Variants in RTTN observed in about 807,000 individuals in gnomAD.
The protein encoded by RTTN is rotatin.
In RTTN, 182 loss-of-function variants were observed where a neutral mutation model predicts 269.2. That is an observed-to-expected ratio of 0.68 (90% CI 0.60 to 0.76). The LOEUF is 0.76. Among genes scored for constraint, RTTN ranks in the 30% least tolerant of loss-of-function variants. The pLI is 0.00. For missense variants in RTTN, 2,545 were observed against 2,608.6 expected (o/e 0.98, Z 0.53); for synonymous variants, 1,006 against 963.5 (o/e 1.04, Z -0.82).
At chr18:70,046,943 A>G (rs1599260892) in intron 40 of RTTN, among the ~76,000 whole-genome samples, 1 of 152,208 alleles carries the variant, frequency 6.6e-6, no homozygotes, top group Non-Finnish European at 1.5e-5. Context: ...TCTTACTGGC[A>G]ATCCTTTCTG....
intron 34 of RTTN, among the ~76,000 whole-genome samples, chr18:70,067,785 G>A (rs76645592): frequency 0.014 from 2,206 of 152,222 alleles, 57 homozygotes; most frequent in African/African-American, 0.051. Context: ...TTCAACGATC[G>A]GTGTGGGAAA....
At chr18:70,107,894 TAA>T (rs1447404999) in intron 28 of RTTN, among the ~76,000 whole-genome samples, 1 of 152,192 alleles carries the variant, frequency 6.6e-6, no homozygotes, top group Non-Finnish European at 1.5e-5. Flanking sequence ...AAAAATTAGA[TAA>T]AAAGTTTTTA....
Position 70,088,501 on chromosome 18 carries a change from C to A in RTTN, c.4144-354G>T, listed in dbSNP as rs138410444. Among the ~76,000 whole-genome samples the A allele has an allele frequency of 3.5e-4, 53 of 152,202 alleles. No homozygotes were observed. The East Asian group carries it at 9.3e-3, about 27-fold the overall frequency. ...AAAAAGGTAGCTATTCTTTGTTCTA[C>A]CTTTCTTAATTTTTTATTGTTTCTT... is the stretch of plus-strand genomic sequence containing the variant. On this transcript the variant is annotated intron_variant, in intron 30 of 48. Coordinates refer to ENST00000640769, the MANE Select transcript of RTTN (RefSeq NM_173630.4).
rs147234940 is a variant in RTTN, at chr18:70,029,349, T to C, written c.5746-548A>G. On this transcript the variant is annotated intron_variant, in intron 42 of 48. Coordinates refer to ENST00000640769, the MANE Select transcript of RTTN (RefSeq NM_173630.4). ...ATATATTTATACTATTCACACACTT[T>C]CATTTGTTGAATAAGTGGGTGGCAG... 4.0e-3 allele frequency among the ~76,000 whole-genome samples: 612 copies of C among 152,310 alleles called. 4 individuals are homozygous for C. Among genetic ancestry groups the C allele is most frequent in the Non-Finnish European group, 6.5e-3 (439 of 68,020 alleles).
chr18:70,019,128 G>C (rs1039360029), intron 45 of RTTN, among the ~76,000 whole-genome samples: 40 of 152,276 alleles, frequency 2.6e-4, no homozygotes, highest in African/African-American at 8.9e-4. Flanking sequence ...CCTGGAAAGA[G>C]AGTCTGATCA....
chr18:70,134,623 C>T, intron 22 of RTTN, 82 bp from the exon 23 acceptor site: 6 of 872,908 alleles, frequency 6.9e-6, no homozygotes, highest in Non-Finnish European at 1.1e-5. Context: ...TACCTCACTT[C>T]GTTGACTGCA....
chr18:70,198,945 G>C (rs1482788788), intron 5 of RTTN, among the ~76,000 whole-genome samples: 1 of 152,172 alleles, frequency 6.6e-6, no homozygotes, highest in African/African-American at 2.4e-5. Flanking sequence ...TCAGCACTTT[G>C]AGAGGCCAAG....
At chr18:70,016,170 C>A (rs1161124067) in intron 46 of RTTN, among the ~76,000 whole-genome samples, 1 of 151,502 alleles carries the variant, frequency 6.6e-6, no homozygotes, top group South Asian at 2.1e-4. Context: ...AGTTGATTAT[C>A]AGAATGCTTA....
intron 40 of RTTN, among the ~76,000 whole-genome samples, chr18:70,035,379 C>CAGAGCCT (rs1006557403): frequency 7.2e-5 from 11 of 152,264 alleles, no homozygotes; most frequent in African/African-American, 1.4e-4. Context: ...ACCGATGGAA[C>CAGAGCCT]AGAATACAGA....
In RTTN at chr18:70,020,814, C is replaced by T. The variant is rs763498886; in HGVS notation, c.5954G>A (p.Cys1985Tyr). The change falls in exon 45 of 49, where the codon TGC becomes TAC. Residue 1985 changes from cysteine (C) to tyrosine (Y), a missense_variant. Physicochemically the swap from Cys to Tyr is radical, Grantham distance 194. Coordinates refer to ENST00000640769, the MANE Select transcript of RTTN (RefSeq NM_173630.4). ...CVYTANFPNG[C>Y]SSLCWSSCGQ... ...ACAACTTGACCAACAAAGAGAACTGCAACCTTCAAAAATAACAGCCTATCA... is the reference window on the plus strand; with the variant it reads ...ACAACTTGACCAACAAAGAGAACTGTAACCTTCAAAAATAACAGCCTATCA... 6.2e-7 allele frequency: 1 copy of T among 1,608,802 alleles called. No individual in the cohort carries two copies. Among genetic ancestry groups the T allele is most frequent in the Non-Finnish European group, 8.5e-7 (1 of 1,177,386 alleles).
chr18:70,058,129 CA>C (rs1420988925), intron 36 of RTTN, among the ~76,000 whole-genome samples: 1 of 152,172 alleles, frequency 6.6e-6, no homozygotes, highest in Non-Finnish European at 1.5e-5. Flanking sequence ...CCATGAGTAA[CA>C]GGAAACTTGG....
chr18:70,049,260 G>T (rs908703262), intron 39 of RTTN, among the ~76,000 whole-genome samples: 1 of 152,152 alleles, frequency 6.6e-6, no homozygotes, highest in African/African-American at 2.4e-5. Flanking sequence ...AAAACAAGCT[G>T]CAGGCCAGAT....
chr18:70,046,464 A>G (rs1440244745), intron 40 of RTTN, among the ~76,000 whole-genome samples: 1 of 152,186 alleles, frequency 6.6e-6, no homozygotes. Flanking sequence ...TGGGAAATTT[A>G]TAATTAAATT....
At chr18:70,082,255 A>T (rs779759577) in intron 32 of RTTN, among the ~76,000 whole-genome samples, 1 of 152,158 alleles carries the variant, frequency 6.6e-6, no homozygotes, top group Non-Finnish European at 1.5e-5. Context: ...CTGAAATATT[A>T]TTAAAATTAT....
At chr18:70,121,369 G>A (rs1282414564) in intron 26 of RTTN, among the ~76,000 whole-genome samples, 187 bp downstream of exon 26, 2 of 152,124 alleles carry the variant, frequency 1.3e-5, no homozygotes, top group Non-Finnish European at 2.9e-5. Flanking sequence ...TCACTGTACA[G>A]AATTTTAATA....
intron 10 of RTTN, among the ~76,000 whole-genome samples, chr18:70,179,464 T>TA (rs982499093): frequency 5.3e-5 from 8 of 151,908 alleles, no homozygotes; most frequent in East Asian, 3.9e-4. Flanking sequence ...CTTCTAAGCA[T>TA]AAAAAAAATG....
At chr18:70,157,041 T>C (rs2060696750) in intron 14 of RTTN, among the ~76,000 whole-genome samples, 1 of 152,148 alleles carries the variant, frequency 6.6e-6, no homozygotes, top group Non-Finnish European at 1.5e-5. Context: ...TCTGCCTTCC[T>C]GTCAGAGCGC....
At chr18:70,100,297 T>A (rs966774132) in intron 28 of RTTN, among the ~76,000 whole-genome samples, 1 of 152,240 alleles carries the variant, frequency 6.6e-6, no homozygotes, top group African/African-American at 2.4e-5. Flanking sequence ...GTCCTTCACA[T>A]CCCTTGTAAG....
In RTTN at chr18:70,186,724, A is replaced by G. The variant is rs186783670; in HGVS notation, c.1305+1384T>C. On this transcript the variant is annotated intron_variant, in intron 10 of 48. Coordinates refer to ENST00000640769, the MANE Select transcript of RTTN (RefSeq NM_173630.4). ...ATGAGATCATATCCTTTGCGGCAAC[A>G]TGGATGGAGCTGGAGGCCATTATCC... Among the ~76,000 whole-genome samples the G allele has an allele frequency of 2.2e-3, 328 of 152,344 alleles. 2 individuals are homozygous for G. Among genetic ancestry groups the G allele is most frequent in the African/African-American group, 7.6e-3 (315 of 41,578 alleles).
Sources: allele counts gnomAD v4.1 joint callset (sites outside exome capture counted in the v4.1 genomes callset), GRCh38; gene constraint gnomAD v4.1.1; transcripts MANE v1.5; gene names NCBI Gene and HGNC (gene_info 2026-07-23, HGNC 2026-07-21).